Variants in CACNA2D1 observed in about 807,000 individuals in gnomAD.
CACNA2D1 encodes the protein voltage-dependent calcium channel subunit alpha-2/delta-1.
Under a neutral mutation model 171.5 loss-of-function variants are expected in CACNA2D1, and 53 were observed. The observed-to-expected ratio is 0.31, with a 90% CI of 0.25 to 0.39. The LOEUF (loss-of-function observed/expected upper bound fraction) is 0.39, where lower values mean the gene tolerates loss of function less well. CACNA2D1 is among the 10% of genes least tolerant of loss of function. The probability of loss-of-function intolerance (pLI) is 1.00; values close to 1 mark genes in which losing one functional copy is unlikely to be tolerated. For synonymous variants in CACNA2D1, 442 were observed against 443.1 expected, an observed-to-expected ratio of 1.00 and a Z score of 0.03; for missense variants, 903 against 1,299.8, an observed-to-expected ratio of 0.69 and a Z score of 4.69.
rs1254605793 is a variant in CACNA2D1, at chr7:82,427,329, A to G, written c.95+16036T>C. ...ATAACCACAAGCATGGGAGTGCTCA[A>G]GTACCAAGAAAGATCTAATTTATGG... On this transcript the variant is annotated intron_variant, in intron 1 of 38. Transcript: ENST00000356860. Among the ~76,000 whole-genome samples the G allele has an allele frequency of 2.6e-5, 4 of 152,252 alleles. No individual in the cohort carries two copies. In the East Asian group the frequency reaches 7.7e-4, roughly 29 times the overall value.
intron 3 of CACNA2D1, among the ~76,000 whole-genome samples, chr7:82,329,386 A>G (rs1356665326): frequency 6.6e-6 from 1 of 152,176 alleles, no homozygotes; most frequent in Non-Finnish European, 1.5e-5. Context: ...GGAAAATGTC[A>G]CCAGAAAAAT....
chr7:82,172,640 T>TTTTTTTTTTTTTTTTC (rs1491222972), intron 3 of CACNA2D1, among the ~76,000 whole-genome samples: 1 of 77,280 alleles, frequency 1.3e-5, no homozygotes, highest in African/African-American at 5.0e-5. Flanking sequence ...TTTTTTTTTT[T>TTTTTTTTTTTTTTTTC]GGTAAAGATG....
At chr7:82,382,468 T>C (rs1823817968) in intron 1 of CACNA2D1, among the ~76,000 whole-genome samples, 1 of 152,218 alleles carries the variant, frequency 6.6e-6, no homozygotes, top group South Asian at 2.1e-4. Context: ...ACTTCTGACC[T>C]GCACCTGCTC....
intron 3 of CACNA2D1, among the ~76,000 whole-genome samples, chr7:82,319,058 A>G (rs1162601012): frequency 2.6e-5 from 4 of 152,210 alleles, no homozygotes; most frequent in African/African-American, 7.2e-5. Context: ...CATGGGCAAA[A>G]TATCTCTATA....
chr7:82,049,783 T>C (rs566382205), intron 10 of CACNA2D1, among the ~76,000 whole-genome samples: 164 of 152,358 alleles, frequency 1.1e-3, no homozygotes, highest in Non-Finnish European at 1.7e-3. Flanking sequence ...TGCAGTCTTC[T>C]TGTTGACATA....
intron 3 of CACNA2D1, among the ~76,000 whole-genome samples, chr7:82,297,326 C>T (rs1418969599): frequency 6.6e-6 from 1 of 152,050 alleles, no homozygotes; most frequent in East Asian, 1.9e-4. Flanking sequence ...GATCATTGAT[C>T]TGTAACATGA....
chr7:82,160,503 T>C (rs962014912), intron 4 of CACNA2D1, among the ~76,000 whole-genome samples: 1 of 152,098 alleles, frequency 6.6e-6, no homozygotes, highest in Non-Finnish European at 1.5e-5. Context: ...AGTAATAATT[T>C]AATAAGATTT....
intron 3 of CACNA2D1, among the ~76,000 whole-genome samples, chr7:82,220,799 G>A (rs1197639139): frequency 1.0e-4 from 11 of 108,620 alleles, no homozygotes; most frequent in African/African-American, 1.2e-4. Flanking sequence ...TTTTTTTTGA[G>A]ATGGAATCTC....
At chr7:82,133,424 T>G (rs2129073133) in intron 5 of CACNA2D1, among the ~76,000 whole-genome samples, 1 of 152,316 alleles carries the variant, frequency 6.6e-6, no homozygotes, top group Admixed American at 6.5e-5. Context: ...TGTTAGATTA[T>G]CTTTTAATAT....
chr7:82,173,977 A>G (rs1796298296), intron 3 of CACNA2D1, among the ~76,000 whole-genome samples: 1 of 149,410 alleles, frequency 6.7e-6, no homozygotes, highest in African/African-American at 2.5e-5. Context: ...CAGGAGTTCA[A>G]AGTTACAGTG....
chr7:82,044,134 C>G (rs1372321773), intron 10 of CACNA2D1, among the ~76,000 whole-genome samples: 4 of 152,130 alleles, frequency 2.6e-5, no homozygotes, highest in African/African-American at 9.7e-5. Context: ...ATCCTCCCAC[C>G]TTGGCCTCCC....
chr7:82,174,387 T>C (rs1221923988), intron 3 of CACNA2D1, among the ~76,000 whole-genome samples: 1 of 152,128 alleles, frequency 6.6e-6, no homozygotes, highest in Non-Finnish European at 1.5e-5. Flanking sequence ...CATGTATATA[T>C]GAAAATCCTT....
Position 82,099,990 on chromosome 7 carries a change from T to C in CACNA2D1, c.527-15090A>G, listed in dbSNP as rs536036666. Among the ~76,000 whole-genome samples, 7 of 152,208 alleles carry C rather than the reference T, an allele frequency of 4.6e-5. No individual in the cohort carries two copies. In the South Asian group the frequency reaches 1.5e-3, roughly 32 times the overall value. On this transcript the variant is annotated intron_variant, in intron 6 of 38. Transcript: ENST00000356860. The stretch of plus-strand genomic sequence containing the variant: ...AATAGGTAATGCATGGTGGGCTTAA[T>C]ACCAAGGTGATGGGTTGCATGTTTA...
At chr7:82,164,900 T>C (rs1795282570) in intron 4 of CACNA2D1, among the ~76,000 whole-genome samples, 1 of 152,024 alleles carries the variant, frequency 6.6e-6, no homozygotes, top group Admixed American at 6.6e-5. Flanking sequence ...ACAATTTTAA[T>C]AAAATGTAGC....
At position 81,949,071 on chromosome 7, in the gene CACNA2D1, A is replaced by C. The variant is rs1322480698; in HGVS notation, c.*1321T>G. ...TTTGGCCAAACGATCATACCATTTA[A>C]AATGGAAGGGCAAAAGCAGCAGTAG... On this transcript the variant is annotated 3_prime_UTR_variant, in exon 39 of 39. Coordinates refer to ENST00000356860, the MANE Select transcript of CACNA2D1 (RefSeq NM_000722.4). The C allele has an allele frequency of 1.3e-5, 2 of 152,006 alleles. No individual in the cohort carries two copies. The allele number at this position is 152,006 out of a possible 1,614,324, so 9.4% of individuals were successfully genotyped here. A position where few individuals can be genotyped will look rare whatever the true frequency, so the allele number is the denominator to read the frequency against.
chr7:82,052,514 T>C (rs753823599), intron 10 of CACNA2D1, among the ~76,000 whole-genome samples: 6 of 152,216 alleles, frequency 3.9e-5, no homozygotes, highest in Non-Finnish European at 5.9e-5. Context: ...CTTACCAGAA[T>C]GTTGCATAAG....
intron 3 of CACNA2D1, among the ~76,000 whole-genome samples, chr7:82,299,427 G>A: frequency 6.6e-6 from 1 of 152,060 alleles, no homozygotes; most frequent in East Asian, 1.9e-4. Context: ...TTGGGAGGCA[G>A]GAGTGGGCAG....
chr7:82,111,316 G>T, intron 6 of CACNA2D1, among the ~76,000 whole-genome samples: 2 of 85,036 alleles, frequency 2.4e-5, no homozygotes, highest in African/African-American at 1.0e-4. Context: ...ATATATATAC[G>T]TGTATATACG....
intron 12 of CACNA2D1, among the ~76,000 whole-genome samples, chr7:82,032,404 A>G (rs1802814962): frequency 6.6e-6 from 1 of 151,796 alleles, no homozygotes; most frequent in Non-Finnish European, 1.5e-5. Context: ...TATTTAGGAA[A>G]TTTGAGTATT....
Sources: gnomAD v4.1 joint callset for allele counts (sites outside exome capture counted in the v4.1 genomes callset) on GRCh38, gnomAD v4.1.1 for gene constraint, MANE v1.5 for transcripts, NCBI Gene and HGNC (gene_info 2026-07-23, HGNC 2026-07-21) for gene names.